ARHGAP15: variants seen among roughly 807,000 people sequenced by gnomAD.
The protein encoded by ARHGAP15 is Rho GTPase activating protein 15, also known as rho GTPase-activating protein 15.
Under a neutral mutation model 63.7 loss-of-function variants are expected in ARHGAP15, and 51 were observed. The ratio of observed to expected loss-of-function variants is 0.80; its 90% CI spans 0.64 to 1.01. The LOEUF (loss-of-function observed/expected upper bound fraction) is 1.01. ARHGAP15 is among the 50% of genes least tolerant of loss of function. The pLI, the probability that ARHGAP15 is intolerant of heterozygous loss-of-function variation, is 0.00. For missense variants in ARHGAP15, 560 were observed against 564.6 expected, an observed-to-expected ratio of 0.99 and a Z score of 0.08; for synonymous variants, 191 against 193.8, an observed-to-expected ratio of 0.99 and a Z score of 0.12.
Position 143,703,520 on chromosome 2 carries a change from A to T in ARHGAP15, c.1240A>T (p.Thr414Ser). ...DTMKVLFGHLTKIVAKASKNL... is the reference protein window; with the variant it reads ...DTMKVLFGHLSKIVAKASKNL... ...CATGAAAGTCCTCTTTGGACATCTA[A>T]CTAAGTAAGTTGTAAGGATTTCTGG... Residue 414 changes from threonine (T) to serine (S), a missense_variant, in exon 13 of 14, where the codon ACT (threonine) becomes TCT (serine). Physicochemically the swap from Thr to Ser is moderately conservative, Grantham distance 58. Transcript: ENST00000295095. 6.2e-7 allele frequency: 1 copy of T among 1,603,914 alleles called. No individual in the cohort carries two copies. Among genetic ancestry groups the T allele is most frequent in the Non-Finnish European group, 8.5e-7 (1 of 1,175,396 alleles).
chr2:143,516,030 G>A (rs945846692), intron 9 of ARHGAP15, among the ~76,000 whole-genome samples: 2 of 152,068 alleles, frequency 1.3e-5, no homozygotes, highest in Non-Finnish European at 2.9e-5. Flanking sequence ...TGAGGATTCA[G>A]TTATTCAGAG....
chr2:143,669,351 A>T (rs113955093), intron 12 of ARHGAP15, among the ~76,000 whole-genome samples: 96 of 152,342 alleles, frequency 6.3e-4, no homozygotes, highest in African/African-American at 2.2e-3. Flanking sequence ...GCATAGTTGG[A>T]CATGAATCAC....
intron 13 of ARHGAP15, among the ~76,000 whole-genome samples, chr2:143,739,734 A>C (rs920287376): frequency 6.6e-6 from 1 of 152,158 alleles, no homozygotes; most frequent in Non-Finnish European, 1.5e-5. Flanking sequence ...GGCTCACTCT[A>C]GGCCATAGCA....
chr2:143,303,874 C>T (rs999436501), intron 6 of ARHGAP15, among the ~76,000 whole-genome samples: 6 of 152,162 alleles, frequency 3.9e-5, no homozygotes, highest in Admixed American at 2.0e-4. Context: ...CACTGGCCAT[C>T]AGAGAAATGC....
chr2:143,183,408 T>C (rs1208229713), intron 2 of ARHGAP15, among the ~76,000 whole-genome samples: 2 of 152,232 alleles, frequency 1.3e-5, no homozygotes, highest in African/African-American at 4.8e-5. Context: ...GTCTTTCAGA[T>C]GTAAGCCATG....
chr2:143,364,380 G>A lies in ARHGAP15; in HGVS notation c.475-71221G>A, dbSNP rs150748782. Among the ~76,000 whole-genome samples the A allele has an allele frequency of 1.5e-3, 230 of 152,208 alleles. 2 individuals carry two copies. Among genetic ancestry groups the A allele is most frequent in the Non-Finnish European group, 7.9e-4 (54 of 68,016 alleles). ...TTGTTCTCTCACAGAAGTAGTTTAG[G>A]ATTCATTTAGGAGTGGGAGTGAGAA... is the stretch of plus-strand genomic sequence containing the variant. On this transcript the variant is annotated intron_variant, in intron 6 of 13. Transcript: ENST00000295095.
chr2:143,690,135 C>T (rs1024848483), intron 12 of ARHGAP15, among the ~76,000 whole-genome samples: 1 of 152,196 alleles, frequency 6.6e-6, no homozygotes, highest in Admixed American at 6.5e-5. Context: ...GGAAGGCAGA[C>T]TCTCTGGTTC....
intron 9 of ARHGAP15, among the ~76,000 whole-genome samples, chr2:143,504,939 G>T (rs1693237361): frequency 6.6e-6 from 1 of 152,138 alleles, no homozygotes; most frequent in Non-Finnish European, 1.5e-5. Context: ...GAAACAGAAA[G>T]GCTGTTCTCC....
At chr2:143,469,861 T>C (rs1246357986) in intron 8 of ARHGAP15, among the ~76,000 whole-genome samples, 2 of 152,220 alleles carry the variant, frequency 1.3e-5, no homozygotes, top group East Asian at 3.8e-4. Flanking sequence ...CACATTGTAT[T>C]TCTATATGGA....
chr2:143,315,001 G>GT (rs1683629611), intron 6 of ARHGAP15, among the ~76,000 whole-genome samples: 1 of 152,086 alleles, frequency 6.6e-6, no homozygotes, highest in Non-Finnish European at 1.5e-5. Flanking sequence ...ATATATGTAC[G>GT]TATCTTTATT....
intron 11 of ARHGAP15, among the ~76,000 whole-genome samples, chr2:143,600,275 G>A (rs1347491502): frequency 3.3e-5 from 5 of 151,908 alleles, no homozygotes; most frequent in East Asian, 1.9e-4. Context: ...TTTTGATTCC[G>A]TGCCCAGGAC....
In ARHGAP15 at chr2:143,242,941, G is replaced by A. The variant is rs149608473; in HGVS notation, c.385-7570G>A. On this transcript the variant is annotated intron_variant, in intron 5 of 13. Transcript: ENST00000295095. ...GTGTTTCGAGTTTCAAAATGATAAG[G>A]ACAATCTGAGTCTATATTCTGGAAT... Among the ~76,000 whole-genome samples, 568 of 152,228 alleles carry A rather than the reference G, an allele frequency of 3.7e-3. 5 individuals are homozygous for A. The highest frequency in any genetic ancestry group is 0.013 in the African/African-American group (546 of 41,538).
At chr2:143,358,684 C>T (rs1465212211) in intron 6 of ARHGAP15, among the ~76,000 whole-genome samples, 14 of 151,294 alleles carry the variant, frequency 9.3e-5, no homozygotes, top group Non-Finnish European at 1.8e-4. Flanking sequence ...GATAGCTATG[C>T]AACATATCTA....
intron 11 of ARHGAP15, among the ~76,000 whole-genome samples, chr2:143,605,686 G>A (rs926311289): frequency 2.6e-5 from 4 of 151,626 alleles, no homozygotes; most frequent in Admixed American, 1.3e-4. Context: ...AGACAGAACT[G>A]ATGGGCCACA....
chr2:143,369,970 G>A (rs1028580066), intron 6 of ARHGAP15, among the ~76,000 whole-genome samples: 23 of 152,140 alleles, frequency 1.5e-4, no homozygotes, highest in African/African-American at 5.1e-4. Context: ...ATTCTAAAAC[G>A]CATGCTCACT....
intron 6 of ARHGAP15, among the ~76,000 whole-genome samples, chr2:143,354,029 CA>C (rs1202125726): frequency 4.6e-3 from 1 of 218 alleles, no homozygotes; most frequent in Admixed American, 0.045. Flanking sequence ...CTCTCCCTTG[CA>C]TTGGTGGCCT....
chr2:143,453,321 T>C (rs1019636819), intron 8 of ARHGAP15, among the ~76,000 whole-genome samples: 1 of 152,010 alleles, frequency 6.6e-6, no homozygotes, highest in Non-Finnish European at 1.5e-5. Flanking sequence ...TTACTAGCTC[T>C]ACAAACTTTG....
intron 11 of ARHGAP15, among the ~76,000 whole-genome samples, chr2:143,557,975 A>G (rs1695877234): frequency 6.6e-6 from 1 of 152,058 alleles, no homozygotes; most frequent in Non-Finnish European, 1.5e-5. Context: ...CTATCAGGAA[A>G]AACAGTAGGG....
chr2:143,232,682 T>C (rs995112979), intron 5 of ARHGAP15, among the ~76,000 whole-genome samples: 1 of 152,178 alleles, frequency 6.6e-6, no homozygotes, highest in African/African-American at 2.4e-5. Context: ...TTTGTCATCA[T>C]AGCCTCTTCC....
Sources: gnomAD v4.1 joint callset for allele counts (sites outside exome capture counted in the v4.1 genomes callset) on GRCh38, gnomAD v4.1.1 for gene constraint, MANE v1.5 for transcripts, NCBI Gene and HGNC (gene_info 2026-07-23, HGNC 2026-07-21) for gene names.